The following LATS1 variants were observed in gnomAD, a reference collection of about 807,000 sequenced individuals.
LATS1 encodes serine/threonine-protein kinase LATS1.
Under a neutral mutation model 106.6 loss-of-function variants are expected in LATS1, and 25 were observed. The ratio of observed to expected loss-of-function variants is 0.23; its 90% CI spans 0.17 to 0.33. The LOEUF (loss-of-function observed/expected upper bound fraction) is 0.33. LATS1 is among the 10% of genes least tolerant of loss of function. The pLI, the probability that LATS1 is intolerant of heterozygous loss-of-function variation, is 1.00. For missense variants in LATS1, 1,040 were observed against 1,382.6 expected, an observed-to-expected ratio of 0.75 and a Z score of 3.93; for synonymous variants, 465 against 455.6, an observed-to-expected ratio of 1.02 and a Z score of -0.26.
chr6:149,697,043 G>T, intron 2 of LATS1: 1 of 734,368 alleles, frequency 1.4e-6, no homozygotes, highest in Non-Finnish European at 2.1e-6. Flanking sequence ...TCACTATCAT[G>T]CAGAAAGTAT....
intron 3 of LATS1, among the ~76,000 whole-genome samples, chr6:149,687,140 G>C (rs955707205): frequency 2.6e-5 from 4 of 151,694 alleles, no homozygotes; most frequent in African/African-American, 9.7e-5. Flanking sequence ...GCCCAGGCTG[G>C]AGCGCGGTGG....
At chr6:149,708,269 G>C (rs1479919201) in intron 1 of LATS1, among the ~76,000 whole-genome samples, 2 of 152,016 alleles carry the variant, frequency 1.3e-5, no homozygotes. Context: ...ACAAAAATTA[G>C]CCGAGCGTGG....
At chr6:149,672,698 C>T (rs935499834) in intron 7 of LATS1, among the ~76,000 whole-genome samples, 1 of 151,906 alleles carries the variant, frequency 6.6e-6, no homozygotes, top group African/African-American at 2.4e-5. Context: ...GTAATCCCAG[C>T]ACTTTGGGAG....
chr6:149,690,218 T>C (rs966568218), intron 3 of LATS1, among the ~76,000 whole-genome samples: 3 of 149,094 alleles, frequency 2.0e-5, no homozygotes, highest in Non-Finnish European at 3.0e-5. Flanking sequence ...TTTTTCTTTT[T>C]TTTTTTTTTT....
In LATS1 at chr6:149,702,050, C is replaced by T; in HGVS notation, c.77G>A (p.Ser26Asn). ...KTFPASNYTVSSRQMLQEIRE... is the reference protein window; with the variant it reads ...KTFPASNYTVNSRQMLQEIRE... The stretch of plus-strand genomic sequence containing the variant: ...AATTTCTTGTAACATTTGCCGGCTA[C>T]TGACAGTATAGTTACTGGCAGGAAA... The change falls in exon 2 of 8, where the codon AGT (serine) becomes AAT (asparagine). Residue 26 changes from serine to asparagine, a missense_variant. Physicochemically the swap from Ser to Asn is conservative, Grantham distance 46. Around this residue, in one of 7 missense-constraint regions of LATS1, gnomAD observed 624 missense variants for 714.8 expected, o/e 0.87. Transcript: ENST00000543571. The T allele has an allele frequency of 6.2e-7, 1 of 1,614,178 alleles. No individual in the cohort carries two copies.
At chr6:149,689,611 C>G (rs1049719152) in intron 3 of LATS1, among the ~76,000 whole-genome samples, 5 of 152,084 alleles carry the variant, frequency 3.3e-5, no homozygotes, top group African/African-American at 1.2e-4. Flanking sequence ...GCCTCAGCAC[C>G]ACCAGGAAAC....
intron 1 of LATS1, among the ~76,000 whole-genome samples, chr6:149,706,185 A>G (rs1262253025): frequency 7.6e-5 from 2 of 26,438 alleles, no homozygotes; most frequent in East Asian, 8.3e-3. Flanking sequence ...CCCGGTCGCA[A>G]AAAAAAAAAA....
intron 7 of LATS1, among the ~76,000 whole-genome samples, chr6:149,665,681 T>G (rs186215591): frequency 2.0e-5 from 3 of 152,202 alleles, no homozygotes; most frequent in African/African-American, 7.2e-5. Context: ...ACCAAAGACT[T>G]TGAGAACTGA....
chr6:149,689,841 A>G (rs564431169), intron 3 of LATS1, among the ~76,000 whole-genome samples: 1 of 152,216 alleles, frequency 6.6e-6, no homozygotes, highest in Admixed American at 6.5e-5. Flanking sequence ...CCCTCATGCT[A>G]TGCTTTGGAT....
chr6:149,716,577 AAAAAC>A (rs1784406599), intron 1 of LATS1, among the ~76,000 whole-genome samples: 1 of 152,086 alleles, frequency 6.6e-6, no homozygotes, highest in Non-Finnish European at 1.5e-5. Flanking sequence ...GACTTGCAAT[AAAAAC>A]AAAACAAAAA....
rs191421987 is a variant in LATS1, at chr6:149,685,303, A to G, written c.497-711T>C. Among the ~76,000 whole-genome samples the G allele has an allele frequency of 1.9e-4, 29 of 152,234 alleles. No individual in the cohort carries two copies. The East Asian group carries it at 5.2e-3, about 27-fold the overall frequency. On this transcript the variant is annotated intron_variant, in intron 3 of 7. Coordinates refer to ENST00000543571, the MANE Select transcript of LATS1 (RefSeq NM_004690.4). ...TATATATGCATGTATATTTGTAGAT[A>G]AATTATTAGAGGTAGCATTATTAGG...
At chr6:149,693,065 C>G (rs192490236) in intron 3 of LATS1, among the ~76,000 whole-genome samples, 62 of 151,716 alleles carry the variant, frequency 4.1e-4, no homozygotes, top group African/African-American at 1.4e-3. Context: ...GAGTTCGAGA[C>G]CAGCCTGATC....
chr6:149,697,912 T>C (rs917198133), intron 2 of LATS1, among the ~76,000 whole-genome samples: 1 of 152,102 alleles, frequency 6.6e-6, no homozygotes, highest in African/African-American at 2.4e-5. Flanking sequence ...AATTTATATT[T>C]TTTAGTAAAT....
At chr6:149,677,368 C>A (rs576149225) in intron 5 of LATS1, among the ~76,000 whole-genome samples, 1 of 152,244 alleles carries the variant, frequency 6.6e-6, no homozygotes, top group South Asian at 2.1e-4. Flanking sequence ...GAGAGAAGAC[C>A]AGCACAGCTG....
chr6:149,667,106 A>G (rs562284303), intron 7 of LATS1, among the ~76,000 whole-genome samples: 14 of 152,148 alleles, frequency 9.2e-5, no homozygotes, highest in East Asian at 1.9e-4. Flanking sequence ...CAGAGTGAAG[A>G]TGTCAGAGGA....
chr6:149,702,684 T>G (rs1361066077), intron 1 of LATS1, among the ~76,000 whole-genome samples: 1 of 152,140 alleles, frequency 6.6e-6, no homozygotes, highest in African/African-American at 2.4e-5. Context: ...TTTATTTTTA[T>G]TTTTTGAGAT....
intron 3 of LATS1, among the ~76,000 whole-genome samples, chr6:149,691,542 C>T (rs1782748704): frequency 6.6e-6 from 1 of 152,004 alleles, no homozygotes; most frequent in Admixed American, 6.6e-5. Context: ...TTTGACCATT[C>T]CCTCCCCTTC....
chr6:149,697,192 T>C (rs756386882), intron 2 of LATS1: 7 of 1,261,844 alleles, frequency 5.5e-6, no homozygotes, highest in Non-Finnish European at 7.4e-6. Context: ...TCCTCCTATA[T>C]GAAATGATAA....
chr6:149,675,034 C>A (rs925971475), intron 7 of LATS1, among the ~76,000 whole-genome samples: 1 of 151,892 alleles, frequency 6.6e-6, no homozygotes. Flanking sequence ...CTGGCCAACA[C>A]GGTGAAACCT....
Sources: gnomAD v4.1 joint callset for allele counts (sites outside exome capture counted in the v4.1 genomes callset) on GRCh38, gnomAD v4.1.1 for gene constraint, gnomAD v4.1.1 regional missense constraint, MANE v1.5 for transcripts, NCBI Gene and HGNC (gene_info 2026-07-23, HGNC 2026-07-21) for gene names.